Variants in CAST observed in about 807,000 individuals in gnomAD.
The protein encoded by CAST is calpastatin.
CAST carries 76 observed loss-of-function variants against 119.6 expected under a neutral mutation model. The observed-to-expected ratio is 0.64, with a 90% CI of 0.53 to 0.77. The LOEUF (loss-of-function observed/expected upper bound fraction) is 0.77, where lower values mean the gene tolerates loss of function less well. Ranked by LOEUF, CAST falls within the 30% of genes least tolerant of loss-of-function variation. The probability of loss-of-function intolerance (pLI) is 0.00; values close to 1 mark genes in which losing one functional copy is unlikely to be tolerated. For synonymous variants in CAST, 319 were observed against 331.6 expected, an observed-to-expected ratio of 0.96 and a Z score of 0.41; for missense variants, 953 against 946.5, an observed-to-expected ratio of 1.01 and a Z score of -0.09.
the CAST span, among the ~76,000 whole-genome samples, chr5:95,971,131 T>G: frequency 6.6e-6 from 1 of 152,146 alleles, no homozygotes; most frequent in Non-Finnish European, 1.5e-5. Flanking sequence ...TGTTGAAAAA[T>G]TTTGTTTTTA....
the CAST span, among the ~76,000 whole-genome samples, chr5:96,001,951 A>C: frequency 6.6e-6 from 1 of 152,206 alleles, no homozygotes; most frequent in South Asian, 2.1e-4. Context: ...CTTTGGCTTG[A>C]GAACCCCTCG....
the CAST span, among the ~76,000 whole-genome samples, chr5:96,097,747 T>A: frequency 6.6e-6 from 1 of 152,226 alleles, no homozygotes; most frequent in Non-Finnish European, 1.5e-5. Context: ...GGCATTTAGG[T>A]TGATTCCATG....
the CAST span, among the ~76,000 whole-genome samples, chr5:95,991,296 T>C: frequency 6.6e-6 from 1 of 152,186 alleles, no homozygotes. Context: ...ACAGGCTGTG[T>C]GTCTACCAGC....
At chr5:96,641,454 A>AC (rs1393331224) in intron 1 of CAST, among the ~76,000 whole-genome samples, 10 of 151,214 alleles carry the variant, frequency 6.6e-5, no homozygotes, top group African/African-American at 2.2e-4. Flanking sequence ...AATGAAAAAA[A>AC]CTCCACTCTT....
In CAST at chr5:96,754,665, C is replaced by T. The variant is rs773497117; in HGVS notation, c.1634C>T (p.Ala545Val). The change falls in exon 22 of 32, where the codon GCC becomes GTC. Residue 545 changes from alanine to valine, a missense_variant. Transcript: ENST00000675179. ...KPVMDKVKEK[A>V]KEEDREKLGE... is the part of the protein sequence containing the mutation. ...TGGTATAATTTTTCTCAGGAGAAGG[C>T]CAAAGAAGAAGACCGTGAAAAGCTT... 6.3e-7 allele frequency: 1 copy of T among 1,596,248 alleles called. No individual in the cohort carries two copies. The highest frequency in any genetic ancestry group is 1.7e-5 in the Admixed American group (1 of 58,566).
At chr5:96,156,212 C>T in the CAST span, among the ~76,000 whole-genome samples, 2 of 152,314 alleles carry the variant, frequency 1.3e-5, no homozygotes, top group African/African-American at 4.8e-5. Flanking sequence ...ATTAGGGCAA[C>T]AGTGACCTGA....
chr5:96,738,670 C>G (rs138497167), intron 11 of CAST, among the ~76,000 whole-genome samples: 68 of 152,206 alleles, frequency 4.5e-4, no homozygotes, highest in African/African-American at 1.6e-3. Context: ...TGGTGGCTCA[C>G]ACCTGTAATC....
At chr5:96,575,080 A>G (rs1156267718) in intron 1 of CAST, among the ~76,000 whole-genome samples, 7 of 152,192 alleles carry the variant, frequency 4.6e-5, no homozygotes. Context: ...AGTTTTTAAA[A>G]GATTTAATCT....
At chr5:96,407,800 T>C in the CAST span, among the ~76,000 whole-genome samples, 1 of 152,236 alleles carries the variant, frequency 6.6e-6, no homozygotes, top group Non-Finnish European at 1.5e-5. Context: ...AAAGGAGTTT[T>C]TTAAACTTGT....
At chr5:96,476,360 T>C in the CAST span, among the ~76,000 whole-genome samples, 1 of 152,246 alleles carries the variant, frequency 6.6e-6, no homozygotes, top group East Asian at 1.9e-4. Context: ...TGCATGACTT[T>C]ATTATTTTGT....
At chr5:96,739,479 T>C (rs1762269332) in intron 11 of CAST, among the ~76,000 whole-genome samples, 1 of 152,266 alleles carries the variant, frequency 6.6e-6, no homozygotes, top group South Asian at 2.1e-4. Context: ...ATACCATTTA[T>C]ATAACATTGG....
the CAST span, among the ~76,000 whole-genome samples, chr5:96,105,551 A>G: frequency 6.6e-6 from 1 of 152,140 alleles, no homozygotes; most frequent in African/African-American, 2.4e-5. Flanking sequence ...TGATTTGCGT[A>G]TATTGAACCA....
intron 16 of CAST, among the ~76,000 whole-genome samples, chr5:96,745,152 A>T (rs1172194191): frequency 1.3e-5 from 2 of 152,194 alleles, no homozygotes; most frequent in African/African-American, 4.8e-5. Flanking sequence ...CTGTGCCTTG[A>T]CCTGGGGAGT....
intron 1 of CAST, among the ~76,000 whole-genome samples, chr5:96,561,056 C>T (rs1444246901): frequency 6.6e-6 from 1 of 152,084 alleles, no homozygotes; most frequent in Non-Finnish European, 1.5e-5. Context: ...TTTGTAGGGA[C>T]ATGGATGAAG....
the CAST span, among the ~76,000 whole-genome samples, chr5:96,040,325 C>T: frequency 6.6e-6 from 1 of 152,132 alleles, no homozygotes; most frequent in African/African-American, 2.4e-5. Context: ...CAAACAGAGA[C>T]AATTTGACTT....
At chr5:96,442,557 G>A in the CAST span, among the ~76,000 whole-genome samples, 2 of 152,234 alleles carry the variant, frequency 1.3e-5, no homozygotes, top group Non-Finnish European at 2.9e-5. Flanking sequence ...AGTATCCCTG[G>A]CATTAATGCC....
At chr5:96,669,772 C>T (rs753036089) in intron 1 of CAST, among the ~76,000 whole-genome samples, 13 of 152,142 alleles carry the variant, frequency 8.5e-5, no homozygotes, top group East Asian at 1.9e-4. Flanking sequence ...CCATGGGTGC[C>T]GACTCAGTGG....
chr5:96,161,321 T>C, the CAST span, among the ~76,000 whole-genome samples: 24 of 152,300 alleles, frequency 1.6e-4, no homozygotes, highest in African/African-American at 5.3e-4. Flanking sequence ...CTTCATTCTT[T>C]TACATGTGCA....
chr5:96,664,380 T>A (rs1036615852), intron 1 of CAST, among the ~76,000 whole-genome samples: 1 of 147,548 alleles, frequency 6.8e-6, no homozygotes, highest in Non-Finnish European at 1.5e-5. Context: ...CATATATATG[T>A]GTGTGCATAT....
Sources: allele counts gnomAD v4.1 joint callset (sites outside exome capture counted in the v4.1 genomes callset), GRCh38; gene constraint gnomAD v4.1.1; transcripts MANE v1.5; gene names NCBI Gene and HGNC (gene_info 2026-07-23, HGNC 2026-07-21).